The following PXDNL variants were observed in gnomAD, a reference collection of about 807,000 sequenced individuals.
PXDNL encodes the protein probable oxidoreductase PXDNL.
A neutral mutation model predicts 150.8 loss-of-function variants in PXDNL; 145 were observed. The observed-to-expected ratio is 0.96, with a 90% confidence interval of 0.84 to 1.10. The LOEUF is 1.10. PXDNL is among the 50% of genes least tolerant of loss of function. The pLI, the probability that PXDNL is intolerant of heterozygous loss-of-function variation, is 0.00. For synonymous variants in PXDNL, 757 were observed against 725.7 expected, an observed-to-expected ratio of 1.04 and a Z score of -0.69; for missense variants, 2,087 against 1,873.9, an observed-to-expected ratio of 1.11 and a Z score of -2.10.
chr8:51,708,144 C>T (rs536959660), intron 1 of PXDNL, among the ~76,000 whole-genome samples: 30 of 152,054 alleles, frequency 2.0e-4, no homozygotes, highest in Non-Finnish European at 2.9e-4. Context: ...GAATATATGT[C>T]GAGTAAGAGA....
At chr8:51,472,514 AG>A (rs1447408022) in intron 7 of PXDNL, among the ~76,000 whole-genome samples, 2 of 152,218 alleles carry the variant, frequency 1.3e-5, no homozygotes, top group Non-Finnish European at 2.9e-5. Context: ...CACTGCACAA[AG>A]GGATCTCCAA....
chr8:51,423,411 A>G (rs973056467), intron 14 of PXDNL, among the ~76,000 whole-genome samples, 164 bp downstream of exon 14: 1 of 152,186 alleles, frequency 6.6e-6, no homozygotes, highest in South Asian at 2.1e-4. Context: ...TTATATTTAA[A>G]TTTTTTTATT....
At chr8:51,544,013 T>C (rs1367260941) in intron 4 of PXDNL, among the ~76,000 whole-genome samples, 4 of 152,198 alleles carry the variant, frequency 2.6e-5, no homozygotes, top group East Asian at 1.9e-4. Context: ...TCTAAGAACA[T>C]ACCAATTACT....
At chr8:51,723,685 TG>T (rs982267706) in intron 1 of PXDNL, among the ~76,000 whole-genome samples, 2 of 152,086 alleles carry the variant, frequency 1.3e-5, no homozygotes, top group Admixed American at 1.3e-4. Context: ...CTGCCGAAGG[TG>T]GGCCCTGGGC....
rs565338484 is a variant in PXDNL, at chr8:51,639,087, G to A, written c.236+15602C>T. On this transcript the variant is annotated intron_variant, in intron 2 of 22. Coordinates refer to ENST00000356297, the MANE Select transcript of PXDNL (RefSeq NM_144651.5). ...CAACTACATGGAGACTGAACAACCTGCTCCTGAATGACTACTGGGTACATA... is the reference window on the plus strand; with the variant it reads ...CAACTACATGGAGACTGAACAACCTACTCCTGAATGACTACTGGGTACATA... 3.6e-4 allele frequency among the ~76,000 whole-genome samples: 55 copies of A among 152,304 alleles called. 1 individual carries two copies. Among genetic ancestry groups the A allele is most frequent in the African/African-American group, 1.3e-3 (52 of 41,566 alleles).
chr8:51,351,274 G>C (rs1016436224), intron 19 of PXDNL, among the ~76,000 whole-genome samples: 1 of 152,184 alleles, frequency 6.6e-6, no homozygotes, highest in Admixed American at 6.5e-5. Context: ...AAATAGGGTT[G>C]TTGCAGAGTA....
chr8:51,448,053 C>G (rs1316429598), intron 11 of PXDNL, among the ~76,000 whole-genome samples: 3 of 152,196 alleles, frequency 2.0e-5, no homozygotes, highest in African/African-American at 7.2e-5. Context: ...ATCAACTAAT[C>G]TCATAAAGAA....
At chr8:51,714,189 G>C (rs1816559373) in intron 1 of PXDNL, among the ~76,000 whole-genome samples, 1 of 152,094 alleles carries the variant, frequency 6.6e-6, no homozygotes, top group South Asian at 2.1e-4. Flanking sequence ...TTATCCTCTA[G>C]GCCTTATATT....
rs912141783 is a variant in PXDNL at position 51,770,816 on chromosome 8, G to A, written c.164+38365C>T. 3.9e-5 allele frequency among the ~76,000 whole-genome samples: 6 copies of A among 152,266 alleles called. No homozygotes were observed. In the South Asian group the frequency reaches 8.3e-4, roughly 21 times the overall value. On this transcript the variant is annotated intron_variant, in intron 1 of 22. Transcript: ENST00000356297. ...TGGGGCAGTGAGCCGTGTGGTGCCC[G>A]CTCTCAATGATGGATGGAGCCGCTT...
At chr8:51,663,305 G>T (rs1383831068) in intron 1 of PXDNL, among the ~76,000 whole-genome samples, 1 of 152,142 alleles carries the variant, frequency 6.6e-6, no homozygotes, top group African/African-American at 2.4e-5. Flanking sequence ...ACTACCAAGG[G>T]CCCGAGGCTG....
chr8:51,605,376 C>T (rs545465257), intron 2 of PXDNL, among the ~76,000 whole-genome samples: 1 of 151,992 alleles, frequency 6.6e-6, no homozygotes, highest in Non-Finnish European at 1.5e-5. Flanking sequence ...GGCGATATGA[C>T]TATTTGTTGC....
chr8:51,345,273 A>G (rs1459929204), intron 20 of PXDNL, among the ~76,000 whole-genome samples: 1 of 152,186 alleles, frequency 6.6e-6, no homozygotes, highest in East Asian at 1.9e-4. Flanking sequence ...AGTCAATGGT[A>G]GGGAGAAACT....
In PXDNL at chr8:51,379,021, C is replaced by T. The variant is rs575473494; in HGVS notation, c.3558-4290G>A. Among the ~76,000 whole-genome samples the T allele has an allele frequency of 2.5e-4, 38 of 152,244 alleles. No individual in the cohort carries two copies. The East Asian group carries it at 6.4e-3, about 26-fold the overall frequency. On this transcript the variant is annotated intron_variant, in intron 17 of 22. Coordinates refer to ENST00000356297, the MANE Select transcript of PXDNL (RefSeq NM_144651.5). The stretch of plus-strand genomic sequence containing the variant: ...CTTCAAGCTCCTGGGTTCAAGGGCT[C>T]CTCTTGCCACAGCGCTAGGACTCCC...
chr8:51,362,065 T>C (rs1806769334), intron 19 of PXDNL, among the ~76,000 whole-genome samples: 1 of 152,140 alleles, frequency 6.6e-6, no homozygotes, highest in Non-Finnish European at 1.5e-5. Context: ...ATATCTTTAC[T>C]GTTTTTTAAA....
chr8:51,383,285 A>T (rs994206448), intron 17 of PXDNL, among the ~76,000 whole-genome samples: 14 of 152,218 alleles, frequency 9.2e-5, no homozygotes, highest in Non-Finnish European at 5.9e-5. Flanking sequence ...CTGTATTAAT[A>T]GCTTTGGTAT....
intron 8 of PXDNL, among the ~76,000 whole-genome samples, chr8:51,471,125 C>A (rs1810320733): frequency 2.2e-5 from 2 of 90,594 alleles, no homozygotes; most frequent in East Asian, 3.5e-4. Context: ...CTACAAGGAA[C>A]TTAAACAAAT....
intron 5 of PXDNL, among the ~76,000 whole-genome samples, chr8:51,485,607 G>A (rs1585513363): frequency 6.6e-6 from 1 of 152,090 alleles, no homozygotes; most frequent in African/African-American, 2.4e-5. Context: ...GGGTCAGCCT[G>A]AGCCTTTCTC....
At chr8:51,342,654 G>A (rs991906397) in intron 20 of PXDNL, among the ~76,000 whole-genome samples, 6 of 152,150 alleles carry the variant, frequency 3.9e-5, no homozygotes, top group Admixed American at 2.6e-4. Flanking sequence ...CTGGGAAGCT[G>A]TGTAAAGAGA....
chr8:51,775,991 C>G lies in PXDNL; in HGVS notation c.164+33190G>C, dbSNP rs553273159. ...AGAGAATGCGTTCCCAAGGGGAGGT[C>G]TCTAAAATGGCCACTTTAGGAACGG... On this transcript the variant is annotated intron_variant, in intron 1 of 22. Coordinates refer to ENST00000356297, the MANE Select transcript of PXDNL (RefSeq NM_144651.5). Among the ~76,000 whole-genome samples the G allele has an allele frequency of 2.6e-5, 4 of 152,272 alleles. No homozygotes were observed. The East Asian group carries it at 7.7e-4, about 29-fold the overall frequency.
Sources: allele counts gnomAD v4.1 joint callset (sites outside exome capture counted in the v4.1 genomes callset), GRCh38; gene constraint gnomAD v4.1.1; transcripts MANE v1.5; gene names NCBI Gene and HGNC (gene_info 2026-07-23, HGNC 2026-07-21).